Variants in FRMD4B observed in about 807,000 individuals in gnomAD.
FRMD4B encodes the protein FERM domain containing 4B.
Under a neutral mutation model 141.5 loss-of-function variants are expected in FRMD4B, and 74 were observed. That is an observed-to-expected ratio of 0.52 (90% CI 0.43 to 0.63). The LOEUF (loss-of-function observed/expected upper bound fraction) is 0.63, where lower values mean the gene tolerates loss of function less well. FRMD4B is among the 30% of genes least tolerant of loss of function. The pLI is 0.00. For synonymous variants in FRMD4B, 506 were observed against 467.9 expected, an observed-to-expected ratio of 1.08 and a Z score of -1.05; for missense variants, 1,366 against 1,253.4, an observed-to-expected ratio of 1.09 and a Z score of -1.36.
rs1704743967 is a variant in FRMD4B at position 69,410,731 on chromosome 3, ATATATATATAT to A, written c.-1+21892_-1+21902del. ...TATAAATAAATAAATAAATAAATAT[ATATATATATAT>A]ATATATATATATATATATATATATA... On this transcript the variant is annotated intron_variant, in intron 2 of 5. Coordinates refer to the FRMD4B transcript ENST00000459638. Among the ~76,000 whole-genome samples, 96 of 81,460 alleles carry A rather than the reference ATATATATATAT, an allele frequency of 1.2e-3. 1 individual carries two copies. The highest frequency in any genetic ancestry group is 3.6e-3 in the African/African-American group (81 of 22,668). The allele number at this position is 81,460 out of a possible 152,430, so 53.4% of individuals were successfully genotyped here. A position where few individuals can be genotyped will look rare whatever the true frequency, so the allele number is the denominator to read the frequency against.
chr3:69,291,028 G>A (rs79397048), intron 4 of FRMD4B, among the ~76,000 whole-genome samples: 3,545 of 152,288 alleles, frequency 0.023, 50 homozygotes, highest in Non-Finnish European at 0.033. Context: ...AGAAGTACGT[G>A]TGTTCTCTAT....
At chr3:69,288,185 GC>G (rs1700754348) in intron 4 of FRMD4B, among the ~76,000 whole-genome samples, 1 of 152,224 alleles carries the variant, frequency 6.6e-6, no homozygotes, top group Admixed American at 6.5e-5. Flanking sequence ...TCAAAACAAA[GC>G]GCAGATGAAC....
chr3:69,224,760 T>A, intron 7 of FRMD4B, 70 bp from the exon 8 acceptor site: 1 of 745,726 alleles, frequency 1.3e-6, no homozygotes, highest in Non-Finnish European at 2.4e-6. Flanking sequence ...GGTCACCAAA[T>A]GAATTAGATT....
intron 1 of FRMD4B, among the ~76,000 whole-genome samples, chr3:69,528,941 C>T (rs1454483767): frequency 4.6e-5 from 7 of 152,154 alleles, no homozygotes. Context: ...TATCCATAGG[C>T]CAAACCCTGT....
intron 2 of FRMD4B, among the ~76,000 whole-genome samples, chr3:69,402,527 T>C (rs1416181541): frequency 1.3e-5 from 2 of 152,206 alleles, no homozygotes; most frequent in Non-Finnish European, 2.9e-5. Context: ...TACTTTACAC[T>C]GGACTGAAAG....
At chr3:69,434,572 A>G (rs563327156) in intron 1 of FRMD4B, among the ~76,000 whole-genome samples, 1 of 152,338 alleles carries the variant, frequency 6.6e-6, no homozygotes, top group African/African-American at 2.4e-5. Flanking sequence ...TAAAGAGAGA[A>G]ACAAAGGAAA....
intron 5 of FRMD4B, among the ~76,000 whole-genome samples, chr3:69,267,859 G>A (rs1055101994): frequency 1.3e-5 from 2 of 149,684 alleles, no homozygotes; most frequent in Non-Finnish European, 2.9e-5. Context: ...TCTCACACTC[G>A]TGGCCTCAAG....
At chr3:69,192,427 T>C (rs965108209) in intron 17 of FRMD4B, among the ~76,000 whole-genome samples, 1 of 152,018 alleles carries the variant, frequency 6.6e-6, no homozygotes, top group African/African-American at 2.4e-5. Flanking sequence ...ACTATCCCAA[T>C]TTCATAGATG....
At chr3:69,218,065 G>T (rs1266172805) in intron 10 of FRMD4B, among the ~76,000 whole-genome samples, 3 of 152,168 alleles carry the variant, frequency 2.0e-5, no homozygotes, top group African/African-American at 7.2e-5. Context: ...ATCTGGTAGT[G>T]CTAGAAAGGT....
intron 1 of FRMD4B, among the ~76,000 whole-genome samples, chr3:69,469,408 A>C (rs1202439181): frequency 6.6e-6 from 1 of 152,236 alleles, no homozygotes; most frequent in Non-Finnish European, 1.5e-5. Context: ...ATGACTTAGC[A>C]GAACGTATTT....
chr3:69,265,271 T>A (rs1183173280), intron 5 of FRMD4B, among the ~76,000 whole-genome samples: 2,767 of 6,316 alleles, frequency 0.44, 863 homozygotes, highest in East Asian at 0.7. Flanking sequence ...AAAAAAAAAA[T>A]ATATATATAT....
At chr3:69,265,307 T>C (rs1243969352) in intron 5 of FRMD4B, among the ~76,000 whole-genome samples, 1 of 109,352 alleles carries the variant, frequency 9.1e-6, no homozygotes, top group Non-Finnish European at 1.9e-5. Context: ...TATATATATA[T>C]ATATATATGC....
At chr3:69,287,066 G>C (rs907957763) in intron 5 of FRMD4B, among the ~76,000 whole-genome samples, 4 of 152,200 alleles carry the variant, frequency 2.6e-5, no homozygotes, top group African/African-American at 9.7e-5. Flanking sequence ...GCCTCCAAAA[G>C]TGCTGGGATT....
chr3:69,198,581 G>A, intron 12 of FRMD4B, 117 bp downstream of exon 12: 1 of 658,162 alleles, frequency 1.5e-6, no homozygotes. Flanking sequence ...CCATTCCTAG[G>A]TATACACCCA....
intron 7 of FRMD4B, among the ~76,000 whole-genome samples, chr3:69,227,002 TTATATC>T (rs1238021358): frequency 1.3e-5 from 2 of 152,192 alleles, no homozygotes; most frequent in African/African-American, 4.8e-5. Context: ...CAAGCAATCT[TTATATC>T]TAGTGCCTAA....
chr3:69,421,855 T>C (rs1056830896), intron 2 of FRMD4B, among the ~76,000 whole-genome samples: 1 of 151,966 alleles, frequency 6.6e-6, no homozygotes, highest in Non-Finnish European at 1.5e-5. Context: ...AAACAAAAAA[T>C]AAAGACAAAA....
intron 5 of FRMD4B, among the ~76,000 whole-genome samples, chr3:69,282,539 A>C (rs1023674511): frequency 6.6e-6 from 1 of 152,210 alleles, no homozygotes; most frequent in Admixed American, 6.5e-5. Flanking sequence ...GAATGTTCTC[A>C]AACAATCATA....
Position 69,386,078 on chromosome 3 carries a change from C to T in FRMD4B, c.-89G>A. ...GCCTGCCCGCCTGGGCTCCCGACGC[C>T]GGCTTCTGCTGGCAGCCGGGGGGTC... is the stretch of plus-strand genomic sequence containing the variant. On this transcript the variant is annotated 5_prime_UTR_variant, in exon 1 of 23. Transcript: ENST00000398540. The T allele has an allele frequency of 8.1e-6, 10 of 1,230,678 alleles. No individual in the cohort carries two copies. The highest frequency in any genetic ancestry group is 9.7e-6 in the Non-Finnish European group (9 of 924,178). 76.2% of individuals were successfully genotyped at this position (1,230,678 alleles called of 1,614,324 possible).
chr3:69,265,994 C>T (rs1203639199), intron 5 of FRMD4B, among the ~76,000 whole-genome samples: 1 of 151,476 alleles, frequency 6.6e-6, no homozygotes. Context: ...CACAGTAGTT[C>T]TAGACCAGTC....
Sources: gnomAD v4.1 joint callset for allele counts (sites outside exome capture counted in the v4.1 genomes callset) on GRCh38, gnomAD v4.1.1 for gene constraint, MANE v1.5 for transcripts, NCBI Gene and HGNC (gene_info 2026-07-23, HGNC 2026-07-21) for gene names.